The following TRAF5 variants were observed in gnomAD, a reference collection of about 807,000 sequenced individuals.
The protein encoded by TRAF5 is TNF receptor associated factor 5.
In TRAF5, 48 loss-of-function variants were observed where a neutral mutation model predicts 64.5. The observed-to-expected ratio is 0.74, with a 90% CI of 0.59 to 0.95. The LOEUF is 0.95. Ranked by LOEUF, TRAF5 falls within the 40% of genes least tolerant of loss-of-function variation. The pLI, the probability that TRAF5 is intolerant of heterozygous loss-of-function variation, is 0.00. For synonymous variants in TRAF5, 206 were observed against 240.5 expected (o/e 0.86, Z 1.33); for missense variants, 545 against 662.8 (o/e 0.82, Z 1.95).
intron 1 of TRAF5, among the ~76,000 whole-genome samples, chr1:211,333,039 A>C (rs1702196294): frequency 6.6e-6 from 1 of 152,138 alleles, no homozygotes; most frequent in South Asian, 2.1e-4. Flanking sequence ...TAAGTGGTTC[A>C]CTTTCACTTC....
In TRAF5 at chr1:211,353,401, C is replaced by A. The variant is rs757040352; in HGVS notation, c.162C>A (p.Asn54Lys). 1.2e-6 allele frequency: 2 copies of A among 1,613,962 alleles called. No homozygotes were observed. The highest frequency in any genetic ancestry group is 8.5e-7 in the Non-Finnish European group (1 of 1,180,046). The stretch of plus-strand genomic sequence containing the variant: ...CCTTCTGCCACTCGGTGCTTCACAA[C>A]CCCCACCAGACAGGATGTGGGCACC... ...KCAFCHSVLH[N>K]PHQTGCGHRF... is the part of the protein sequence containing the mutation. The change falls in exon 2 of 11, where the codon AAC (asparagine) becomes AAA (lysine). Residue 54 changes from asparagine (N) to lysine (K), a missense_variant. Physicochemically the swap from Asn to Lys is moderately conservative, Grantham distance 94. Coordinates refer to ENST00000261464, the MANE Select transcript of TRAF5 (RefSeq NM_001033910.3).
At chr1:211,347,169 G>T (rs1702637944) in intron 1 of TRAF5, among the ~76,000 whole-genome samples, 1 of 152,178 alleles carries the variant, frequency 6.6e-6, no homozygotes, top group Non-Finnish European at 1.5e-5. Context: ...AGAGGGGAAA[G>T]ATTTTAATAA....
At chr1:211,360,100 T>G in intron 5 of TRAF5, 24 bp downstream of exon 5, 1 of 1,609,618 alleles carries the variant, frequency 6.2e-7, no homozygotes. Context: ...CATACAACAG[T>G]CATCTTTATG....
At chr1:211,372,062 T>G in intron 10 of TRAF5, 66 bp from the exon 11 acceptor site, 5 of 1,415,496 alleles carry the variant, frequency 3.5e-6, no homozygotes, top group Non-Finnish European at 4.7e-6. Context: ...AATTCCACTT[T>G]GGGAAAATTT....
intron 5 of TRAF5, 184 bp downstream of exon 5, chr1:211,360,260 C>T (rs1187488285): frequency 1.3e-5 from 8 of 617,906 alleles, no homozygotes; most frequent in East Asian, 1.2e-4. Context: ...GTTGGTAGCA[C>T]TCCATTTATT....
intron 7 of TRAF5, among the ~76,000 whole-genome samples, chr1:211,364,971 G>C (rs1703303721): frequency 6.6e-6 from 1 of 151,974 alleles, no homozygotes; most frequent in South Asian, 2.1e-4. Flanking sequence ...TCAGGAGTTC[G>C]AGACCAGCCT....
chr1:211,356,976 G>A (rs1343325564), intron 4 of TRAF5: 1 of 152,630 alleles, frequency 6.6e-6, no homozygotes, highest in East Asian at 1.9e-4. Flanking sequence ...CAGGCTGTGG[G>A]TTAAAGGTGA....
At chr1:211,372,102 T>C (rs1005986020) in intron 10 of TRAF5, 26 bp from the exon 11 acceptor site, 5 of 267,900 alleles carry the variant, frequency 1.9e-5, no homozygotes, top group Non-Finnish European at 2.5e-5. Context: ...TATGGAATCT[T>C]TTTTTTTTTT....
intron 4 of TRAF5, 86 bp from the exon 5 acceptor site, chr1:211,359,824 TTC>T: frequency 6.6e-7 from 1 of 1,523,342 alleles, no homozygotes; most frequent in Non-Finnish European, 9.0e-7. Context: ...GCCCACCCTG[TTC>T]TCTCTCCCTC....
At chr1:211,342,753 G>T (rs762640370) in intron 1 of TRAF5, among the ~76,000 whole-genome samples, 2 of 152,180 alleles carry the variant, frequency 1.3e-5, no homozygotes, top group Non-Finnish European at 2.9e-5. Flanking sequence ...AACATGTGAA[G>T]CTTGTCTTTC....
upstream of TRAF5, chr1:211,326,777 G>T (rs868579580): frequency 1.1e-4 from 108 of 984,466 alleles, no homozygotes; most frequent in Middle Eastern, 2.6e-3. This position sits in a 1 kb window ranked among gnomAD's most constrained non-coding sequence, Gnocchi z 5.0. Context: ...CTCCGCCCGC[G>T]CCCCGGCCCC....
chr1:211,367,928 C>T (rs928185678), intron 8 of TRAF5, among the ~76,000 whole-genome samples: 1 of 151,590 alleles, frequency 6.6e-6, no homozygotes, highest in Admixed American at 6.6e-5. Context: ...ATGGAGAAGA[C>T]CAAAACAACA....
intron 1 of TRAF5, among the ~76,000 whole-genome samples, chr1:211,329,227 G>A (rs1702097846): frequency 6.6e-6 from 1 of 152,254 alleles, no homozygotes; most frequent in Admixed American, 6.5e-5. Context: ...ACCTGGCATA[G>A]AGTAGGCCTA....
At chr1:211,353,528 CT>C in intron 2 of TRAF5, 71 bp downstream of exon 2, 1 of 1,460,368 alleles carries the variant, frequency 6.8e-7, no homozygotes, top group African/African-American at 1.4e-5. Flanking sequence ...GGCCACTCAA[CT>C]GTTTTCATGG....
At chr1:211,340,230 C>T (rs994348959) in intron 1 of TRAF5, among the ~76,000 whole-genome samples, 5 of 152,134 alleles carry the variant, frequency 3.3e-5, no homozygotes, top group East Asian at 1.9e-4. Flanking sequence ...CATCCAAGCT[C>T]GAGGGGCCCC....
intron 3 of TRAF5, among the ~76,000 whole-genome samples, chr1:211,355,916 T>A (rs952839361): frequency 3.3e-5 from 5 of 152,240 alleles, no homozygotes; most frequent in African/African-American, 1.2e-4. Context: ...GCAACAGAGA[T>A]GATCGTGATG....
chr1:211,339,371 A>G (rs937852372), intron 1 of TRAF5, among the ~76,000 whole-genome samples: 2 of 152,206 alleles, frequency 1.3e-5, no homozygotes, highest in African/African-American at 4.8e-5. Context: ...AGGCCTGCGG[A>G]TTGCAGCAAA....
chr1:211,368,203 G>C (rs1703414795), intron 8 of TRAF5, among the ~76,000 whole-genome samples: 2 of 152,134 alleles, frequency 1.3e-5, no homozygotes, highest in Non-Finnish European at 2.9e-5. Flanking sequence ...GAGGCTGAAA[G>C]TGTAGCCAGG....
intron 3 of TRAF5, among the ~76,000 whole-genome samples, chr1:211,356,051 A>G (rs563680374): frequency 6.6e-6 from 1 of 152,344 alleles, no homozygotes; most frequent in African/African-American, 2.4e-5. Flanking sequence ...AGGAAGCTGA[A>G]AGCATCACCC....
Sources: gnomAD v4.1 joint callset for allele counts (sites outside exome capture counted in the v4.1 genomes callset) on GRCh38, gnomAD v4.1.1 for gene constraint, Gnocchi (gnomAD v3.1) non-coding constraint, MANE v1.5 for transcripts, NCBI Gene and HGNC (gene_info 2026-07-23, HGNC 2026-07-21) for gene names.